Variants in KCNIP4 observed in about 807,000 individuals in gnomAD.
KCNIP4 encodes Kv channel-interacting protein 4.
KCNIP4 carries 12 observed loss-of-function variants against 34.0 expected under a neutral mutation model. That is an observed-to-expected ratio of 0.35 (90% confidence interval 0.23 to 0.57). KCNIP4 has a LOEUF of 0.57. Among genes scored for constraint, KCNIP4 ranks in the 20% least tolerant of loss-of-function variants. The pLI, the probability that KCNIP4 is intolerant of heterozygous loss-of-function variation, is 0.83. For missense variants in KCNIP4, 238 were observed against 311.7 expected, an observed-to-expected ratio of 0.76 and a Z score of 1.78; for synonymous variants, 124 against 102.2, an observed-to-expected ratio of 1.21 and a Z score of -1.29.
chr4:21,408,037 T>C (rs1724150824), intron 1 of KCNIP4, among the ~76,000 whole-genome samples: 1 of 152,122 alleles, frequency 6.6e-6, no homozygotes, highest in Non-Finnish European at 1.5e-5. Context: ...AGTTAGAAAA[T>C]AGCTCAAAAC....
intron 1 of KCNIP4, among the ~76,000 whole-genome samples, chr4:21,136,674 G>A (rs1751522216): frequency 6.6e-6 from 1 of 152,068 alleles, no homozygotes; most frequent in South Asian, 2.1e-4. Flanking sequence ...ACATGGCAGG[G>A]AGTCCTCCTC....
intron 1 of KCNIP4, among the ~76,000 whole-genome samples, chr4:21,210,307 G>A (rs1210147341): frequency 6.6e-6 from 1 of 152,190 alleles, no homozygotes; most frequent in African/African-American, 2.4e-5. Flanking sequence ...AGGAGGAGCT[G>A]TGTTTTGGAA....
At chr4:21,942,694 C>T (rs1730266239) in intron 1 of KCNIP4, among the ~76,000 whole-genome samples, 1 of 152,208 alleles carries the variant, frequency 6.6e-6, no homozygotes, top group Non-Finnish European at 1.5e-5. Context: ...GGTGGGTCTA[C>T]CATGGGACAA....
At chr4:21,922,246 G>C (rs1043229234) in intron 1 of KCNIP4, among the ~76,000 whole-genome samples, 1 of 152,204 alleles carries the variant, frequency 6.6e-6, no homozygotes, top group East Asian at 1.9e-4. Flanking sequence ...TACTGCTCTT[G>C]GCCCATGATG....
intron 1 of KCNIP4, among the ~76,000 whole-genome samples, chr4:21,199,859 C>A (rs1164632428): frequency 6.6e-6 from 1 of 151,124 alleles, no homozygotes; most frequent in African/African-American, 2.4e-5. Flanking sequence ...TACTATGCAG[C>A]CATAAAAAAG....
chr4:21,617,689 T>A (rs1056568366), intron 1 of KCNIP4, among the ~76,000 whole-genome samples: 2 of 152,234 alleles, frequency 1.3e-5, no homozygotes, highest in Non-Finnish European at 2.9e-5. Flanking sequence ...GAGAAAAGCT[T>A]CTGTGAAGTT....
intron 1 of KCNIP4, among the ~76,000 whole-genome samples, chr4:21,677,354 G>T (rs1749991402): frequency 6.6e-6 from 1 of 152,156 alleles, no homozygotes; most frequent in African/African-American, 2.4e-5. Context: ...AAAGTTGTTT[G>T]AAAACTGCTA....
chr4:21,874,662 T>C (rs1423087778), intron 1 of KCNIP4, among the ~76,000 whole-genome samples: 5 of 152,314 alleles, frequency 3.3e-5, no homozygotes, highest in South Asian at 2.1e-4. Flanking sequence ...TGCTACACCA[T>C]TCTATTTTGC....
At chr4:20,968,122 G>A (rs910396192) in intron 1 of KCNIP4, among the ~76,000 whole-genome samples, 6 of 152,170 alleles carry the variant, frequency 3.9e-5, no homozygotes, top group African/African-American at 1.4e-4. Context: ...CAAAGGATAT[G>A]AACAAACACT....
intron 1 of KCNIP4, among the ~76,000 whole-genome samples, chr4:21,693,954 G>A (rs1021194235): frequency 2.0e-5 from 3 of 152,210 alleles, no homozygotes; most frequent in Non-Finnish European, 2.9e-5. Flanking sequence ...CACCTCACAC[G>A]TATATTTGGG....
At chr4:21,876,836 T>C (rs1726143773) in intron 1 of KCNIP4, among the ~76,000 whole-genome samples, 1 of 152,034 alleles carries the variant, frequency 6.6e-6, no homozygotes, top group African/African-American at 2.4e-5. Context: ...ATCAAACATG[T>C]TTTGTCAACG....
chr4:20,836,990 G>C (rs1719124711), intron 3 of KCNIP4, among the ~76,000 whole-genome samples: 1 of 150,992 alleles, frequency 6.6e-6, no homozygotes, highest in Non-Finnish European at 1.5e-5. Flanking sequence ...ATTCTTTTTT[G>C]CATCAATATA....
chr4:21,079,926 T>A (rs1745854181), intron 1 of KCNIP4, among the ~76,000 whole-genome samples: 2 of 151,906 alleles, frequency 1.3e-5, no homozygotes, highest in South Asian at 4.1e-4. Context: ...GGAAACAGAC[T>A]CTCCTTCTAG....
chr4:20,757,182 CA>C (rs34827538), intron 4 of KCNIP4, among the ~76,000 whole-genome samples: 1 of 152,108 alleles, frequency 6.6e-6, no homozygotes, highest in South Asian at 2.1e-4. Context: ...CTTTATGCCA[CA>C]AAAAGTTAGT....
chr4:21,568,169 C>A (rs1740065084), intron 1 of KCNIP4, among the ~76,000 whole-genome samples: 1 of 152,038 alleles, frequency 6.6e-6, no homozygotes, highest in Admixed American at 6.6e-5. Context: ...AAGTGACAAT[C>A]CTGGTGGACC....
intron 1 of KCNIP4, among the ~76,000 whole-genome samples, chr4:21,247,593 A>G (rs1473397529): frequency 7.1e-6 from 1 of 140,838 alleles, no homozygotes; most frequent in Non-Finnish European, 1.5e-5. Context: ...ATATATATAT[A>G]CACCACAGAT....
intron 1 of KCNIP4, among the ~76,000 whole-genome samples, chr4:21,545,942 C>A (rs1247062820): frequency 6.6e-6 from 1 of 152,068 alleles, no homozygotes. Flanking sequence ...AGTTCTAGAT[C>A]CTTCAGGAAT....
intron 3 of KCNIP4, among the ~76,000 whole-genome samples, chr4:20,781,920 G>A (rs536396668): frequency 9.1e-4 from 138 of 152,240 alleles, no homozygotes; most frequent in African/African-American, 2.8e-3. Flanking sequence ...TTCTGCCTAT[G>A]AGCCTGTAAA....
chr4:20,925,314 C>T (rs1729793087), intron 1 of KCNIP4, among the ~76,000 whole-genome samples: 1 of 152,078 alleles, frequency 6.6e-6, no homozygotes, highest in Admixed American at 6.6e-5. Context: ...ATGGTTAGGG[C>T]ATTTGAAGTC....
Sources: allele counts gnomAD v4.1 joint callset (sites outside exome capture counted in the v4.1 genomes callset), GRCh38; gene constraint gnomAD v4.1.1; transcripts MANE v1.5; gene names NCBI Gene and HGNC (gene_info 2026-07-23, HGNC 2026-07-21).